CAMTA1: variants seen among roughly 807,000 people sequenced by gnomAD.
CAMTA1 encodes the protein calmodulin binding transcription activator 1.
CAMTA1 carries 27 observed loss-of-function variants against 170.9 expected under a neutral mutation model. The observed-to-expected ratio is 0.16, with a 90% confidence interval of 0.12 to 0.22. The LOEUF (loss-of-function observed/expected upper bound fraction) is 0.22, where lower values mean the gene tolerates loss of function less well. Among genes scored for constraint, CAMTA1 ranks in the 10% least tolerant of loss-of-function variants. The pLI is 1.00. For missense variants in CAMTA1, 1,619 were observed against 2,217.2 expected, an observed-to-expected ratio of 0.73 and a Z score of 5.42; for synonymous variants, 833 against 891.5, an observed-to-expected ratio of 0.93 and a Z score of 1.17.
chr1:7,747,925 T>G, intron 19 of CAMTA1, 144 bp downstream of exon 19: 1 of 563,752 alleles, frequency 1.8e-6, no homozygotes, highest in South Asian at 2.5e-5. Context: ...TTTTTATTTT[T>G]TTTTTGAAAC....
At chr1:7,227,936 G>GCCTGCCAAAGGTTGTCGC (rs1187815383) in intron 4 of CAMTA1, among the ~76,000 whole-genome samples, 6,600 of 152,302 alleles carry the variant, frequency 0.043, 432 homozygotes, top group African/African-American at 0.14. Flanking sequence ...CCCCAGGCTG[G>GCCTGCCAAAGGTTGTCGC]CAGCGCTTTG....
chr1:7,368,880 C>T (rs1269841284), intron 5 of CAMTA1: 1 of 152,332 alleles, frequency 6.6e-6, no homozygotes, highest in East Asian at 1.9e-4. Flanking sequence ...GCCACGAAGC[C>T]CTTGCCAGTC....
intron 5 of CAMTA1, among the ~76,000 whole-genome samples, chr1:7,422,758 G>A (rs2091646500): frequency 6.6e-6 from 1 of 152,122 alleles, no homozygotes; most frequent in African/African-American, 2.4e-5. Flanking sequence ...TTCCCACATG[G>A]GGCTGGCACA....
chr1:7,000,118 C>T (rs535678527), intron 3 of CAMTA1, among the ~76,000 whole-genome samples: 2 of 152,326 alleles, frequency 1.3e-5, no homozygotes, highest in African/African-American at 2.4e-5. Flanking sequence ...CTGTGGTCCT[C>T]GCTCTAGGGA....
intron 5 of CAMTA1, among the ~76,000 whole-genome samples, chr1:7,364,885 GTGAA>G (rs1002885027): frequency 6.6e-6 from 1 of 152,348 alleles, no homozygotes; most frequent in African/African-American, 2.4e-5. Flanking sequence ...GAATGAATGA[GTGAA>G]TGAATGAATG....
chr1:7,730,403 T>C (rs953434807), intron 11 of CAMTA1, among the ~76,000 whole-genome samples: 4 of 152,104 alleles, frequency 2.6e-5, no homozygotes, highest in Admixed American at 2.6e-4. Flanking sequence ...AGGCCTCAGT[T>C]CTGGACATGT....
At chr1:6,888,349 G>T in intron 3 of CAMTA1, 1 of 688,926 alleles carries the variant, frequency 1.5e-6, no homozygotes, top group African/African-American at 1.9e-5. Flanking sequence ...GCCTAGTTCA[G>T]GGTGCTGTGA....
At chr1:7,038,677 C>A (rs1703989133) in intron 3 of CAMTA1, among the ~76,000 whole-genome samples, 1 of 152,182 alleles carries the variant, frequency 6.6e-6, no homozygotes, top group African/African-American at 2.4e-5. Flanking sequence ...TTAGAGTTCA[C>A]AGTTTGTTCA....
At chr1:7,083,122 A>G (rs1431970612) in intron 3 of CAMTA1, among the ~76,000 whole-genome samples, 7 of 152,160 alleles carry the variant, frequency 4.6e-5, no homozygotes, top group Non-Finnish European at 8.8e-5. Context: ...TTCTTCACTG[A>G]TTGGTAATTT....
intron 4 of CAMTA1, among the ~76,000 whole-genome samples, chr1:7,176,842 G>C (rs1416180431): frequency 6.6e-6 from 1 of 152,168 alleles, no homozygotes; most frequent in Admixed American, 6.5e-5. Context: ...AGAGATTGTT[G>C]TGGACCAGGC....
chr1:7,320,649 GTTTTTTTTTTTTT>G (rs55683398), intron 5 of CAMTA1, among the ~76,000 whole-genome samples: 1 of 80,292 alleles, frequency 1.2e-5, no homozygotes, highest in Non-Finnish European at 2.4e-5. Context: ...TGCTGTGTGT[GTTTTTTTTTTTTT>G]TTTTTTTTTT....
rs527421078 is a variant in CAMTA1 at position 7,570,573 on chromosome 1, C to T, written c.511-69827C>T. Among the ~76,000 whole-genome samples the T allele has an allele frequency of 2.0e-5, 3 of 152,324 alleles. No individual in the cohort carries two copies. Among genetic ancestry groups the T allele is most frequent in the Non-Finnish European group, 2.9e-5 (2 of 68,040 alleles). On this transcript the variant is annotated intron_variant, in intron 6 of 22. Transcript: ENST00000303635. The surrounding 1 kb of genome is among the most constrained non-coding windows in gnomAD (Gnocchi z 4.3). Reference sequence around the variant, plus strand: ...TTAATTAAGGAAAGTCCTCTAGTGCCATTGAACTTTGTCCTGAAAGTGGAA... The same window carrying T: ...TTAATTAAGGAAAGTCCTCTAGTGCTATTGAACTTTGTCCTGAAAGTGGAA...
chr1:7,010,505 C>A lies in CAMTA1; in HGVS notation c.235-80799C>A, dbSNP rs1025344332. Among the ~76,000 whole-genome samples the A allele has an allele frequency of 6.6e-6, 1 of 152,182 alleles. No homozygotes were observed. The highest frequency in any genetic ancestry group is 2.4e-5 in the African/African-American group (1 of 41,450). On this transcript the variant is annotated intron_variant, in intron 3 of 22. Coordinates refer to ENST00000303635, the MANE Select transcript of CAMTA1 (RefSeq NM_015215.4). The surrounding 1 kb of genome is among the most constrained non-coding windows in gnomAD (Gnocchi z 4.4). ...CCTTCCTTATTTTTTGTTATCTTGGCTGTTTGACAAATAGACTTTGGAGGT... is the reference window on the plus strand; with the variant it reads ...CCTTCCTTATTTTTTGTTATCTTGGATGTTTGACAAATAGACTTTGGAGGT...
chr1:7,504,142 C>T (rs2094058774), intron 6 of CAMTA1, among the ~76,000 whole-genome samples: 1 of 152,192 alleles, frequency 6.6e-6, no homozygotes, highest in Admixed American at 6.5e-5. Context: ...TCTGTGTCCT[C>T]ACTGCGGGGA....
At chr1:7,287,432 GA>G (rs1285272346) in intron 5 of CAMTA1, among the ~76,000 whole-genome samples, 2 of 152,186 alleles carry the variant, frequency 1.3e-5, no homozygotes, top group African/African-American at 4.8e-5. Context: ...CTGCTCTTGG[GA>G]CTGAGTTGAG....
intron 5 of CAMTA1, among the ~76,000 whole-genome samples, chr1:7,386,123 C>T (rs917489829): frequency 9.8e-5 from 15 of 152,350 alleles, no homozygotes; most frequent in African/African-American, 2.6e-4. Context: ...TGCGCACAGC[C>T]CCAGCCCGCT....
chr1:7,427,441 G>T (rs1234222820), intron 5 of CAMTA1, among the ~76,000 whole-genome samples: 1 of 152,160 alleles, frequency 6.6e-6, no homozygotes, highest in Non-Finnish European at 1.5e-5. Flanking sequence ...TGTCACTCCT[G>T]CCAGCATATC....
At chr1:7,418,641 C>A (rs2091354424) in intron 5 of CAMTA1, among the ~76,000 whole-genome samples, 1 of 152,236 alleles carries the variant, frequency 6.6e-6, no homozygotes, top group Admixed American at 6.5e-5. Flanking sequence ...TCCACATCGC[C>A]ACTTGGCTGT....
Position 7,115,640 on chromosome 1 carries a change from G to A in CAMTA1, c.302+24269G>A, listed in dbSNP as rs6688016. Among the ~76,000 whole-genome samples, 31 of 58,134 alleles carry A rather than the reference G, an allele frequency of 5.3e-4. 1 individual carries two copies. Among genetic ancestry groups the A allele is most frequent in the East Asian group, 1.4e-3 (2 of 1,454 alleles). 38.1% of individuals were successfully genotyped at this position (58,134 alleles called of 152,430 possible). A position where few individuals can be genotyped will look rare whatever the true frequency, so the allele number is the denominator to read the frequency against. On this transcript the variant is annotated intron_variant, in intron 4 of 22. Coordinates refer to ENST00000303635, the MANE Select transcript of CAMTA1 (RefSeq NM_015215.4). ...ATGTTGTTCCAGTCTGAATCTGAAAGCCTGAGACCCAGGAGAGCTGATGAT... is the reference window on the plus strand; with the variant it reads ...ATGTTGTTCCAGTCTGAATCTGAAAACCTGAGACCCAGGAGAGCTGATGAT...
Sources: gnomAD v4.1 joint callset for allele counts (sites outside exome capture counted in the v4.1 genomes callset) on GRCh38, gnomAD v4.1.1 for gene constraint, Gnocchi (gnomAD v3.1) non-coding constraint, MANE v1.5 for transcripts, NCBI Gene and HGNC (gene_info 2026-07-23, HGNC 2026-07-21) for gene names.